Variants in MSANTD3 observed in about 807,000 individuals in gnomAD.
The protein encoded by MSANTD3 is Myb/SANT DNA binding domain containing 3.
Under a neutral mutation model 27.7 loss-of-function variants are expected in MSANTD3, and 11 were observed. The ratio of observed to expected loss-of-function variants is 0.40; its 90% CI spans 0.25 to 0.66. MSANTD3 has a LOEUF of 0.66. Ranked by LOEUF, MSANTD3 falls within the 30% of genes least tolerant of loss-of-function variation. MSANTD3 has a pLI of 0.41. For synonymous variants in MSANTD3, 131 were observed against 127.2 expected (o/e 1.03, Z -0.20); for missense variants, 250 against 336.5 (o/e 0.74, Z 2.01).
chr9:100,428,090 C>G (rs964379993), intron 1 of MSANTD3, among the ~76,000 whole-genome samples: 1 of 152,196 alleles, frequency 6.6e-6, no homozygotes, highest in East Asian at 1.9e-4. Flanking sequence ...TGAATCATCA[C>G]CCTGGCGCTG....
intron 1 of MSANTD3, among the ~76,000 whole-genome samples, chr9:100,431,321 A>G (rs1028516971): frequency 8.2e-6 from 1 of 122,680 alleles, no homozygotes; most frequent in African/African-American, 3.1e-5. Context: ...TTTTTTTTTT[A>G]AAGAGACAGC....
In MSANTD3 at chr9:100,451,466, G is replaced by T. The variant is rs1181470586; in HGVS notation, c.*500G>T. On this transcript the variant is annotated 3_prime_UTR_variant, in exon 3 of 3. Coordinates refer to ENST00000395067, the MANE Select transcript of MSANTD3 (RefSeq NM_080655.3). ...AGAGGTCTTTAGGGAACCTCCGTGA[G>T]AGCTGCAGCACCTTTTTAATTTTCT... 6.6e-6 allele frequency: 1 copy of T among 151,756 alleles called. No homozygotes were observed. Among genetic ancestry groups the T allele is most frequent in the African/African-American group, 2.4e-5 (1 of 41,244 alleles). 9.4% of individuals were successfully genotyped at this position (151,756 alleles called of 1,614,324 possible).
rs1356541817 is a variant in MSANTD3, at chr9:100,427,254, C to CGCT, written c.-171_-170insTGC. 6.9e-6 allele frequency: 1 copy of CGCT among 145,380 alleles called. No homozygotes were observed. Among genetic ancestry groups the CGCT allele is most frequent in the African/African-American group, 2.5e-5 (1 of 40,626 alleles). The allele number at this position is 145,380 out of a possible 1,614,324, so 9.0% of individuals were successfully genotyped here. ...GGGGCCTGGCCGGCCGGGGGCGCGCCGCCGCCGCCGCCGCCGCCCGGCGTT... is the reference window on the plus strand; with the variant it reads ...GGGGCCTGGCCGGCCGGGGGCGCGCCGCTGCCGCCGCCGCCGCCGCCCGGCGTT... On this transcript the variant is annotated 5_prime_UTR_variant, in exon 1 of 3. Coordinates refer to ENST00000395067, the MANE Select transcript of MSANTD3 (RefSeq NM_080655.3).
chr9:100,439,866 C>T (rs1373772550), intron 1 of MSANTD3, among the ~76,000 whole-genome samples: 3 of 151,994 alleles, frequency 2.0e-5, no homozygotes, highest in African/African-American at 7.2e-5. Flanking sequence ...TGGACTGCCT[C>T]ATCAGTATCT....
At chr9:100,434,995 G>A (rs200938053) in intron 1 of MSANTD3, among the ~76,000 whole-genome samples, 8 of 150,362 alleles carry the variant, frequency 5.3e-5, no homozygotes, top group South Asian at 4.2e-4. Context: ...ACACACGTGC[G>A]CACACACACA....
chr9:100,440,296 C>T (rs1587788203), intron 1 of MSANTD3, among the ~76,000 whole-genome samples: 1 of 152,278 alleles, frequency 6.6e-6, no homozygotes. Flanking sequence ...GCAGTCCAAG[C>T]TCTGGACTTT....
intron 2 of MSANTD3, chr9:100,444,420 C>T (rs975264599): frequency 6.6e-6 from 1 of 152,272 alleles, no homozygotes; most frequent in Admixed American, 6.5e-5. Flanking sequence ...CATGGGCCCC[C>T]ACAGCTAATT....
intron 1 of MSANTD3, among the ~76,000 whole-genome samples, chr9:100,428,147 C>T (rs1216838420): frequency 1.3e-5 from 2 of 152,108 alleles, no homozygotes; most frequent in South Asian, 2.1e-4. Context: ...TTTAGGAGTA[C>T]GAAACAGTGA....
chr9:100,432,154 A>G (rs1836390952), intron 1 of MSANTD3, among the ~76,000 whole-genome samples: 1 of 152,144 alleles, frequency 6.6e-6, no homozygotes, highest in African/African-American at 2.4e-5. Context: ...GAAAATAAAC[A>G]CTTCCAAGTT....
At chr9:100,431,546 T>TC (rs35820774) in intron 1 of MSANTD3, among the ~76,000 whole-genome samples, 41,613 of 150,916 alleles carry the variant, frequency 0.28, 6,151 homozygotes, top group African/African-American at 0.37. Context: ...CAAGCAGTAC[T>TC]CCCCCACTGC....
At chr9:100,436,584 C>G (rs1015800815) in intron 1 of MSANTD3, among the ~76,000 whole-genome samples, 2 of 152,040 alleles carry the variant, frequency 1.3e-5, no homozygotes, top group African/African-American at 4.8e-5. Flanking sequence ...CGGCAGGGAA[C>G]GCTTTTTATG....
At position 100,442,055 on chromosome 9, in the gene MSANTD3, G is replaced by T. The variant is rs755959697; in HGVS notation, c.117G>T (p.Ala39=). ...KYVLECKKSD[A]RTIALKQRTW... Reference sequence around the variant, plus strand: ...TGCTGGAATGTAAGAAAAGTGATGCGCGAACTATTGCCCTTAAGCAGCGTA... The same window carrying T: ...TGCTGGAATGTAAGAAAAGTGATGCTCGAACTATTGCCCTTAAGCAGCGTA... The change falls in exon 2 of 3, where the codon GCG becomes GCT. Residue 39 remains alanine, a synonymous_variant. Transcript: ENST00000395067. 1.2e-5 allele frequency: 20 copies of T among 1,614,076 alleles called. No individual in the cohort carries two copies. The highest frequency in any genetic ancestry group is 1.6e-5 in the Non-Finnish European group (19 of 1,180,046).
At chr9:100,431,818 T>C (rs956124508) in intron 1 of MSANTD3, among the ~76,000 whole-genome samples, 1 of 152,072 alleles carries the variant, frequency 6.6e-6, no homozygotes, top group Non-Finnish European at 1.5e-5. Context: ...CCGATGGTTG[T>C]AGCTGAGGTG....
intron 2 of MSANTD3, among the ~76,000 whole-genome samples, chr9:100,450,026 C>T (rs1160370099): frequency 1.3e-5 from 2 of 152,184 alleles, no homozygotes; most frequent in African/African-American, 4.8e-5. Flanking sequence ...GTAGACTCAT[C>T]TTTCAAGGAA....
rs537149976 is a variant in MSANTD3, at chr9:100,434,345, T to C, written c.-34+6952T>C. 6.2e-4 allele frequency among the ~76,000 whole-genome samples: 94 copies of C among 152,212 alleles called. 1 individual carries two copies. In the South Asian group the frequency reaches 0.015, roughly 24 times the overall value. On this transcript the variant is annotated intron_variant, in intron 1 of 2. Coordinates refer to ENST00000395067, the MANE Select transcript of MSANTD3 (RefSeq NM_080655.3). ...GAGTTTGAGATCAGCCTGGCCAACA[T>C]AGAGTGAAACCCCATCTTTTCTAAA...
chr9:100,433,836 C>G (rs1232965226), intron 1 of MSANTD3, among the ~76,000 whole-genome samples: 4 of 152,148 alleles, frequency 2.6e-5, no homozygotes, highest in Non-Finnish European at 5.9e-5. Flanking sequence ...CTTCAGTTCA[C>G]CCACCACTTC....
At chr9:100,440,321 T>G (rs1836581097) in intron 1 of MSANTD3, among the ~76,000 whole-genome samples, 2 of 152,184 alleles carry the variant, frequency 1.3e-5, no homozygotes, top group Admixed American at 1.3e-4. Flanking sequence ...GTCACCATCT[T>G]TGTGATCTTG....
At chr9:100,439,963 A>G (rs1836565942) in intron 1 of MSANTD3, among the ~76,000 whole-genome samples, 1 of 152,178 alleles carries the variant, frequency 6.6e-6, no homozygotes, top group East Asian at 1.9e-4. Context: ...AACTAGGGGA[A>G]CGATAATGCT....
chr9:100,448,205 A>G (rs2118128090), intron 2 of MSANTD3: 1 of 981,742 alleles, frequency 1.0e-6, no homozygotes, highest in Non-Finnish European at 1.2e-6. Context: ...AAAAAAAAAA[A>G]AAAAAAAAAG....
Sources: allele counts gnomAD v4.1 joint callset (sites outside exome capture counted in the v4.1 genomes callset), GRCh38; gene constraint gnomAD v4.1.1; transcripts MANE v1.5; gene names NCBI Gene and HGNC (gene_info 2026-07-23, HGNC 2026-07-21).